GPR107: variants seen among roughly 807,000 people sequenced by gnomAD.
GPR107 encodes the protein G protein-coupled receptor 107, also known as protein GPR107.
GPR107 carries 31 observed loss-of-function variants against 75.5 expected under a neutral mutation model. That is an observed-to-expected ratio of 0.41 (90% CI 0.31 to 0.55). The LOEUF is 0.55. Among genes scored for constraint, GPR107 ranks in the 20% least tolerant of loss-of-function variants. GPR107 has a pLI of 0.26. For synonymous variants in GPR107, 267 were observed against 251.3 expected (o/e 1.06, Z -0.59); for missense variants, 572 against 665.7 (o/e 0.86, Z 1.55).
chr9:130,093,303 A>T (rs1252837301), intron 9 of GPR107, among the ~76,000 whole-genome samples: 2 of 152,208 alleles, frequency 1.3e-5, no homozygotes, highest in Non-Finnish European at 2.9e-5. Context: ...CCTCCAAGAA[A>T]ATTGAAAACA....
At chr9:130,068,235 A>T (rs1281981858) in intron 1 of GPR107, among the ~76,000 whole-genome samples, 3 of 152,000 alleles carry the variant, frequency 2.0e-5, no homozygotes, top group African/African-American at 7.3e-5. Flanking sequence ...ACCGCAGGGG[A>T]AGGGGTAGCA....
At chr9:130,111,242 G>A (rs1831292989) in intron 14 of GPR107, among the ~76,000 whole-genome samples, 4 of 152,120 alleles carry the variant, frequency 2.6e-5, no homozygotes, top group African/African-American at 4.8e-5. Context: ...GAGGCAGGAG[G>A]ATTGCTTGAG....
chr9:130,103,390 A>C lies in GPR107; in HGVS notation c.1132-1030A>C, dbSNP rs1375476768. On this transcript the variant is annotated intron_variant, in intron 12 of 17. Transcript: ENST00000347136. The surrounding 1 kb of genome is among the most constrained non-coding windows in gnomAD (Gnocchi z 4.3). The stretch of plus-strand genomic sequence containing the variant: ...AGAGATTTGGGACCAGGGACTTCTC[A>C]TGGGGTATATAGGTGGAATGATAAC... 6.6e-6 allele frequency among the ~76,000 whole-genome samples: 1 copy of C among 152,184 alleles called. No homozygotes were observed. The highest frequency in any genetic ancestry group is 2.4e-5 in the African/African-American group (1 of 41,452).
intron 14 of GPR107, among the ~76,000 whole-genome samples, chr9:130,110,932 G>T (rs868274526): frequency 6.6e-6 from 1 of 152,144 alleles, no homozygotes; most frequent in African/African-American, 2.4e-5. Flanking sequence ...GCTGGATAGA[G>T]CCTGACATTC....
chr9:130,090,270 A>G (rs1830702898), intron 7 of GPR107, among the ~76,000 whole-genome samples: 1 of 152,226 alleles, frequency 6.6e-6, no homozygotes, highest in Admixed American at 6.5e-5. Context: ...AACTCATGAA[A>G]TGTATGAAAA....
chr9:130,065,844 C>T (rs549663678), intron 1 of GPR107, among the ~76,000 whole-genome samples: 2 of 150,588 alleles, frequency 1.3e-5, no homozygotes, highest in East Asian at 2.0e-4. Context: ...ACTGTAGAAT[C>T]GGTGCCAGTC....
chr9:130,070,907 G>A (rs187910973), intron 1 of GPR107, among the ~76,000 whole-genome samples: 1 of 151,096 alleles, frequency 6.6e-6, no homozygotes, highest in East Asian at 2.0e-4. Flanking sequence ...TTGTAGAGGT[G>A]GGGGTCTTTC....
chr9:130,100,168 T>A (rs914217326), intron 10 of GPR107, among the ~76,000 whole-genome samples: 3 of 152,186 alleles, frequency 2.0e-5, no homozygotes, highest in Non-Finnish European at 4.4e-5. Context: ...GTGCTGGGAT[T>A]ACAGGCATGA....
At chr9:130,105,381 G>A (rs1197441301) in intron 13 of GPR107, among the ~76,000 whole-genome samples, 2 of 151,946 alleles carry the variant, frequency 1.3e-5, no homozygotes, top group African/African-American at 4.8e-5. Context: ...AGCCTCCTGA[G>A]TAGCTGGGAT....
rs543865171 is a variant in GPR107 at position 130,062,281 on chromosome 9, C to T, written c.141+8208C>T. Among the ~76,000 whole-genome samples the T allele has an allele frequency of 2.1e-4, 31 of 150,606 alleles. No homozygotes were observed. The East Asian group carries it at 3.8e-3, about 18-fold the overall frequency. ...TACAAAAAATTAGCCGGCGTGGTGG[C>T]GCATGCCTGTAATCCCAGCTACTCG... On this transcript the variant is annotated intron_variant, in intron 1 of 17. Transcript: ENST00000347136.
chr9:130,080,108 A>G (rs1054689513), intron 5 of GPR107, among the ~76,000 whole-genome samples: 3 of 152,190 alleles, frequency 2.0e-5, no homozygotes, highest in Non-Finnish European at 4.4e-5. Context: ...TTTCATACCT[A>G]TCATATATCC....
chr9:130,100,700 C>A lies in GPR107; in HGVS notation c.1011C>A (p.His337Gln). Residue 337 changes from histidine to glutamine, a missense_variant and splice_region_variant, in exon 11 of 18, where the codon CAC (histidine) becomes CAA (glutamine). His to Gln is a conservative substitution (Grantham distance 24, BLOSUM62 0). Coordinates refer to ENST00000347136, the MANE Select transcript of GPR107 (RefSeq NM_020960.5). The stretch of plus-strand genomic sequence containing the variant: ...GGGCTGTTGTGTACTACATAACTCA[C>A]CTGTAAGTATGCAGGTCCATGTGAA... The part of the protein sequence containing the change: ...EGWAVVYYIT[H>Q]LLKGALLFIT... 6.2e-7 allele frequency: 1 copy of A among 1,603,414 alleles called. No individual in the cohort carries two copies.
chr9:130,133,800 G>A (rs981033703), intron 17 of GPR107, among the ~76,000 whole-genome samples: 27 of 152,212 alleles, frequency 1.8e-4, no homozygotes, highest in African/African-American at 2.4e-4. Context: ...TAAAGGACTC[G>A]TTTGAGAAAG....
In GPR107 at chr9:130,104,512, C is replaced by A; in HGVS notation, c.1224C>A (p.Asp408Glu). 1 of 1,613,800 alleles carries A rather than the reference C, an allele frequency of 6.2e-7. No homozygotes were observed. Among genetic ancestry groups the A allele is most frequent in the South Asian group, 1.1e-5 (1 of 91,076 alleles). ...GGAAGGACTCTCTATTTCTGGTCGA[C>A]CTGTTGTGTTGTGGTGCCATCCTCT... The part of the protein sequence containing the change: ...GLWKDSLFLV[D>E]LLCCGAILFP... The change falls in exon 13 of 18, where the codon GAC becomes GAA. Residue 408 changes from aspartate (D) to glutamate (E), a missense_variant. Transcript: ENST00000347136.
At chr9:130,078,613 G>A (rs186951648) in intron 4 of GPR107, among the ~76,000 whole-genome samples, 1 of 152,284 alleles carries the variant, frequency 6.6e-6, no homozygotes, top group East Asian at 1.9e-4. Context: ...GCCTGCGGTG[G>A]CTTGCTGATG....
chr9:130,079,618 A>G lies in GPR107; in HGVS notation c.387-12A>G. The G allele has an allele frequency of 6.2e-7, 1 of 1,612,218 alleles. No homozygotes were observed. Among genetic ancestry groups the G allele is most frequent in the Non-Finnish European group, 8.5e-7 (1 of 1,179,102 alleles). On this transcript the variant is annotated splice_polypyrimidine_tract_variant and intron_variant, in intron 4 of 17. Transcript: ENST00000347136. ...CTTTGACCTTTTTTCCTTCTGTCTT[A>G]TTTGAATGTAGGGTAAGAGTAAAGT...
intron 14 of GPR107, among the ~76,000 whole-genome samples, chr9:130,122,461 C>T (rs1030656448): frequency 2.0e-5 from 3 of 152,178 alleles, no homozygotes; most frequent in African/African-American, 4.8e-5. Flanking sequence ...ACTTCATTAT[C>T]GATATCTGAT....
chr9:130,115,762 CAAAA>C (rs765306078), intron 14 of GPR107, among the ~76,000 whole-genome samples: 2,609 of 90,134 alleles, frequency 0.029, 38 homozygotes, highest in Middle Eastern at 0.038. Flanking sequence ...GACTCCGTCT[CAAAA>C]AAAAAAAAAA....
chr9:130,056,995 G>T (rs1414964626), intron 1 of GPR107, among the ~76,000 whole-genome samples: 1 of 149,158 alleles, frequency 6.7e-6, no homozygotes, highest in East Asian at 2.0e-4. Context: ...AAGCCATCCT[G>T]GGCCGCATGC....
Sources: gnomAD v4.1 joint callset for allele counts (sites outside exome capture counted in the v4.1 genomes callset) on GRCh38, gnomAD v4.1.1 for gene constraint, Gnocchi (gnomAD v3.1) non-coding constraint, MANE v1.5 for transcripts, NCBI Gene and HGNC (gene_info 2026-07-23, HGNC 2026-07-21) for gene names.